The following NLRC4 variants were observed in gnomAD, a reference collection of about 807,000 sequenced individuals.
The protein encoded by NLRC4 is NLR family CARD domain containing 4, also known as NLR family CARD domain-containing protein 4.
Under a neutral mutation model 79.9 loss-of-function variants are expected in NLRC4, and 63 were observed. The observed-to-expected ratio is 0.79, with a 90% CI of 0.64 to 0.97. NLRC4 has a LOEUF of 0.97. Ranked by LOEUF, NLRC4 falls within the 50% of genes least tolerant of loss-of-function variation. The pLI, the probability that NLRC4 is intolerant of heterozygous loss-of-function variation, is 0.00. For missense variants in NLRC4, 1,074 were observed against 1,215.2 expected, an observed-to-expected ratio of 0.88 and a Z score of 1.73; for synonymous variants, 461 against 456.5, an observed-to-expected ratio of 1.01 and a Z score of -0.12.
intron 2 of NLRC4, among the ~76,000 whole-genome samples, chr2:32,255,779 C>T (rs998259430): frequency 2.0e-5 from 3 of 152,078 alleles, no homozygotes; most frequent in Admixed American, 6.6e-5. Context: ...TTTTGGGAGG[C>T]CGAGGCGGGT....
intron 4 of NLRC4, among the ~76,000 whole-genome samples, chr2:32,241,977 TAAATG>T (rs1026201302): frequency 2.0e-5 from 3 of 151,648 alleles, no homozygotes; most frequent in Admixed American, 6.6e-5. Context: ...GAGAGCAAAA[TAAATG>T]AAAGAAGAAA....
chr2:32,238,933 G>A (rs1686732870), intron 5 of NLRC4, among the ~76,000 whole-genome samples: 3 of 152,286 alleles, frequency 2.0e-5, no homozygotes, highest in South Asian at 4.1e-4. Context: ...CTCACTTTGT[G>A]TCATTAAAAT....
intron 1 of NLRC4, among the ~76,000 whole-genome samples, chr2:32,259,640 G>GA (rs1254071960): frequency 6.6e-6 from 1 of 152,040 alleles, no homozygotes; most frequent in Admixed American, 6.5e-5. Context: ...TTGATGAGCT[G>GA]AAAAATGCTT....
At chr2:32,246,977 G>A (rs893557457) in intron 4 of NLRC4, among the ~76,000 whole-genome samples, 6 of 152,108 alleles carry the variant, frequency 3.9e-5, no homozygotes, top group Admixed American at 3.9e-4. Context: ...TTCCTATTGT[G>A]TCCAGGCTGA....
rs1210714199 is a variant in NLRC4, at chr2:32,252,497, C to G, written c.184G>C (p.Gly62Arg). The G allele has an allele frequency of 1.2e-6, 2 of 1,613,582 alleles. No individual in the cohort carries two copies. Among genetic ancestry groups the G allele is most frequent in the Non-Finnish European group, 1.7e-6 (2 of 1,179,478 alleles). ...RGIIHMILKK[G>R]SESCNLFLKS... ...AGAAAGAGGTTACAGGACTCTGAACCCTTTTTCAAAATCATGTGAATGATC... is the reference window on the plus strand; with the variant it reads ...AGAAAGAGGTTACAGGACTCTGAACGCTTTTTCAAAATCATGTGAATGATC... The change falls in exon 3 of 9, where the codon GGT becomes CGT. Residue 62 changes from glycine to arginine, a missense_variant. Transcript: ENST00000402280.
At chr2:32,247,359 G>T (rs1296328864) in intron 4 of NLRC4, among the ~76,000 whole-genome samples, 2 of 148,690 alleles carry the variant, frequency 1.3e-5, no homozygotes, top group African/African-American at 2.5e-5. Context: ...TTGTTGCCCA[G>T]GCTGGAGTGC....
At chr2:32,261,857 T>C (rs1270970616) in intron 1 of NLRC4, among the ~76,000 whole-genome samples, 1 of 150,422 alleles carries the variant, frequency 6.6e-6, no homozygotes, top group Non-Finnish European at 1.5e-5. Flanking sequence ...CTGAGGCAGG[T>C]GGATCACGAG....
chr2:32,260,655 A>G (rs1168698896), intron 1 of NLRC4, among the ~76,000 whole-genome samples: 1 of 152,226 alleles, frequency 6.6e-6, no homozygotes, highest in Non-Finnish European at 1.5e-5. Flanking sequence ...TGCCCATAGA[A>G]AAAAGCCACC....
chr2:32,253,066 G>A (rs1687120322), intron 2 of NLRC4, among the ~76,000 whole-genome samples: 1 of 152,092 alleles, frequency 6.6e-6, no homozygotes, highest in Non-Finnish European at 1.5e-5. Flanking sequence ...CAGAGCATTA[G>A]GGCCATGCAT....
intron 3 of NLRC4, among the ~76,000 whole-genome samples, chr2:32,251,959 G>T (rs1475141188): frequency 1.3e-5 from 2 of 152,136 alleles, no homozygotes; most frequent in East Asian, 3.9e-4. Context: ...AATCTGTCAT[G>T]ACCTTATTTA....
intron 4 of NLRC4, among the ~76,000 whole-genome samples, chr2:32,243,921 C>T (rs895304811): frequency 1.3e-5 from 2 of 151,752 alleles, no homozygotes; most frequent in African/African-American, 2.4e-5. Flanking sequence ...AGTAAAACTA[C>T]GTGATCCCAT....
intron 1 of NLRC4, among the ~76,000 whole-genome samples, chr2:32,261,599 C>T (rs1687352461): frequency 6.6e-6 from 1 of 150,884 alleles, no homozygotes. Context: ...CGTGAGCCAC[C>T]ATGCCCGGCC....
At position 32,250,347 on chromosome 2, in the gene NLRC4, A is replaced by C. The variant is rs1421140111; in HGVS notation, c.1517T>G (p.Met506Arg). The C allele has an allele frequency of 6.2e-7, 1 of 1,614,202 alleles. No homozygotes were observed. Among genetic ancestry groups the C allele is most frequent in the South Asian group, 1.1e-5 (1 of 91,088 alleles). ...TTGATACACTGCTGCGAGGTGCTTC[A>C]TAACAGCCCTGGTGGCTTCCACAGA... is the stretch of plus-strand genomic sequence containing the variant. ...GSSVEATRAVMKHLAAVYQHG... is the reference protein window; with the variant it reads ...GSSVEATRAVRKHLAAVYQHG... The change falls in exon 4 of 9, where the codon ATG becomes AGG. Residue 506 changes from methionine to arginine, a missense_variant. Transcript: ENST00000402280. This position sits in a 1 kb window ranked among gnomAD's most constrained non-coding sequence, Gnocchi z 4.9.
In NLRC4 at chr2:32,233,349, ATTTTTTT is replaced by A. The variant is rs1176305976; in HGVS notation, c.2782+2045_2782+2051del. On this transcript the variant is annotated intron_variant, in intron 8 of 8. Coordinates refer to ENST00000402280, the MANE Select transcript of NLRC4 (RefSeq NM_001199138.2). The stretch of plus-strand genomic sequence containing the variant: ...TATATATATATATATATATATATAT[ATTTTTTT>A]TTTTTTTTTTTTAATTGTAGAGACG... 9.0e-3 allele frequency among the ~76,000 whole-genome samples: 370 copies of A among 41,082 alleles called. 1 individual carries two copies. Among genetic ancestry groups the A allele is most frequent in the Admixed American group, 0.016 (40 of 2,554 alleles). 27.0% of individuals were successfully genotyped at this position (41,082 alleles called of 152,430 possible).
chr2:32,241,095 T>C lies in NLRC4; in HGVS notation c.2288A>G (p.Lys763Arg). The C allele has an allele frequency of 6.2e-7, 1 of 1,609,614 alleles. No individual in the cohort carries two copies. The highest frequency in any genetic ancestry group is 1.7e-5 in the Admixed American group (1 of 59,530). ...ATCCATTATGAGCTTTGTAAGGTTC[T>C]TCAAGTTACCCAAGCTGTCAGTCAG... is the stretch of plus-strand genomic sequence containing the variant. ...GGLTDSLGNL[K>R]NLTKLIMDNI... Residue 763 changes from lysine (K) to arginine (R), a missense_variant, in exon 5 of 9, where the codon AAG becomes AGG. Transcript: ENST00000402280.
At chr2:32,230,336 GTTTTTTGT>G (rs1686501077) in intron 8 of NLRC4, among the ~76,000 whole-genome samples, 1 of 152,150 alleles carries the variant, frequency 6.6e-6, no homozygotes, top group African/African-American at 2.4e-5. Context: ...TTTATTCACT[GTTTTTTGT>G]TTGTTTGTTT....
chr2:32,227,624 T>TCCAC (rs1243681029), intron 8 of NLRC4, among the ~76,000 whole-genome samples: 3 of 152,174 alleles, frequency 2.0e-5, no homozygotes, highest in Non-Finnish European at 4.4e-5. Context: ...TAAAGCCCAT[T>TCCAC]CCACCCTCAC....
chr2:32,256,860 T>A lies in NLRC4; in HGVS notation c.-85A>T. On this transcript the variant is annotated 5_prime_UTR_variant, in exon 2 of 9. Coordinates refer to ENST00000402280, the MANE Select transcript of NLRC4 (RefSeq NM_001199138.2). ...GGAAAGGTCAAAGGTGATCCCAATATTGTCCTCTTTTTTCTGTAAAACTAC... is the reference window on the plus strand; with the variant it reads ...GGAAAGGTCAAAGGTGATCCCAATAATGTCCTCTTTTTTCTGTAAAACTAC... The A allele has an allele frequency of 1.3e-6, 1 of 750,984 alleles. No homozygotes were observed. Among genetic ancestry groups the A allele is most frequent in the East Asian group, 2.5e-5 (1 of 40,752 alleles). The allele number at this position is 750,984 out of a possible 1,614,324, so 46.5% of individuals were successfully genotyped here. A position where few individuals can be genotyped will look rare whatever the true frequency, so the allele number is the denominator to read the frequency against.
chr2:32,248,092 C>T (rs1038818694), intron 4 of NLRC4, among the ~76,000 whole-genome samples: 187 of 152,068 alleles, frequency 1.2e-3, no homozygotes, highest in African/African-American at 4.2e-3. Context: ...TTCACCACCA[C>T]GAAATATATC....
Sources: gnomAD v4.1 joint callset for allele counts (sites outside exome capture counted in the v4.1 genomes callset) on GRCh38, gnomAD v4.1.1 for gene constraint, Gnocchi (gnomAD v3.1) non-coding constraint, MANE v1.5 for transcripts, NCBI Gene and HGNC (gene_info 2026-07-23, HGNC 2026-07-21) for gene names.